The following PTPRM variants were observed in gnomAD, a reference collection of about 807,000 sequenced individuals.
PTPRM encodes the protein receptor-type tyrosine-protein phosphatase mu.
Under a neutral mutation model 186.7 loss-of-function variants are expected in PTPRM, and 47 were observed. The ratio of observed to expected loss-of-function variants is 0.25; its 90% CI spans 0.20 to 0.32. The LOEUF (loss-of-function observed/expected upper bound fraction) is 0.32, where lower values mean the gene tolerates loss of function less well. PTPRM is among the 10% of genes least tolerant of loss of function. The pLI, the probability that PTPRM is intolerant of heterozygous loss-of-function variation, is 1.00. For missense variants in PTPRM, 1,494 were observed against 1,865.0 expected (o/e 0.80, Z 3.66); for synonymous variants, 668 against 674.9 (o/e 0.99, Z 0.16).
chr18:8,232,863 G>A (rs1209266788), intron 14 of PTPRM, among the ~76,000 whole-genome samples: 1 of 152,190 alleles, frequency 6.6e-6, no homozygotes, highest in Non-Finnish European at 1.5e-5. Flanking sequence ...CAAGGGCCCT[G>A]AGCTGTACAC....
At chr18:7,683,596 C>T (rs1187239335) in intron 1 of PTPRM, among the ~76,000 whole-genome samples, 1 of 152,152 alleles carries the variant, frequency 6.6e-6, no homozygotes, top group African/African-American at 2.4e-5. Context: ...CCCAAAGTCA[C>T]TCTTTTCTGT....
At chr18:7,792,018 T>C (rs1190808687) in intron 2 of PTPRM, among the ~76,000 whole-genome samples, 1 of 152,216 alleles carries the variant, frequency 6.6e-6, no homozygotes, top group Non-Finnish European at 1.5e-5. Flanking sequence ...TATATGAGCA[T>C]ATATTGCTAC....
intron 19 of PTPRM, among the ~76,000 whole-genome samples, chr18:8,278,389 C>T (rs1022173910): frequency 6.6e-6 from 1 of 152,144 alleles, no homozygotes; most frequent in Admixed American, 6.6e-5. Flanking sequence ...CTTTAGTGTC[C>T]TTGTAGATCT....
chr18:8,164,109 T>C (rs923090487), intron 14 of PTPRM, among the ~76,000 whole-genome samples: 1 of 152,162 alleles, frequency 6.6e-6, no homozygotes, highest in African/African-American at 2.4e-5. Context: ...AGAAAAGAAA[T>C]CGAGTTTTAG....
chr18:8,387,304 TCTGA>T, intron 31 of PTPRM, 69 bp downstream of exon 31: 1 of 1,455,348 alleles, frequency 6.9e-7, no homozygotes. Context: ...CTCCTAGTTC[TCTGA>T]CTTTTGTTTC....
chr18:7,829,055 T>C (rs557997998), intron 2 of PTPRM, among the ~76,000 whole-genome samples: 7 of 152,182 alleles, frequency 4.6e-5, no homozygotes, highest in Non-Finnish European at 1.0e-4. Context: ...AATACCTAAT[T>C]GTATTTTGAA....
chr18:8,289,575 T>TGTATATATATAC (rs2095014677), intron 19 of PTPRM, among the ~76,000 whole-genome samples: 1 of 109,210 alleles, frequency 9.2e-6, no homozygotes, highest in Non-Finnish European at 1.7e-5. Flanking sequence ...TATATATATA[T>TGTATATATATAC]ACATATATAT....
intron 23 of PTPRM, 26 bp downstream of exon 23, chr18:8,343,546 G>A: frequency 6.2e-7 from 1 of 1,603,112 alleles, no homozygotes; most frequent in Non-Finnish European, 8.5e-7. Flanking sequence ...GCTGCAAATG[G>A]CCATTTTGTT....
At chr18:8,010,709 G>A (rs2084476612) in intron 7 of PTPRM, among the ~76,000 whole-genome samples, 1 of 152,156 alleles carries the variant, frequency 6.6e-6, no homozygotes, top group African/African-American at 2.4e-5. Flanking sequence ...AGGTCAGGGA[G>A]GGTAGGATCT....
chr18:8,056,487 T>G (rs1222823624), intron 7 of PTPRM, among the ~76,000 whole-genome samples: 1 of 152,138 alleles, frequency 6.6e-6, no homozygotes, highest in Non-Finnish European at 1.5e-5. Context: ...CCAGGCATTG[T>G]GGCAAACACC....
chr18:8,337,224 GACAGGTATGTTGC>G (rs1442196766), intron 22 of PTPRM, among the ~76,000 whole-genome samples: 1 of 152,036 alleles, frequency 6.6e-6, no homozygotes, highest in African/African-American at 2.4e-5. Context: ...AATTTTTTGA[GACAGGTATGTTGC>G]ACAGACTGGT....
At chr18:7,650,457 C>A (rs1340123234) in intron 1 of PTPRM, among the ~76,000 whole-genome samples, 4 of 129,184 alleles carry the variant, frequency 3.1e-5, no homozygotes, top group Admixed American at 7.9e-5. Context: ...CCCCCCCCCC[C>A]ACTGTAATTT....
chr18:7,708,165 A>C (rs779495885), intron 1 of PTPRM, among the ~76,000 whole-genome samples: 6 of 152,208 alleles, frequency 3.9e-5, no homozygotes, highest in Non-Finnish European at 8.8e-5. Flanking sequence ...GTTCAAGTAT[A>C]TATATTTTTG....
chr18:8,112,227 T>G (rs1201257482), intron 11 of PTPRM, among the ~76,000 whole-genome samples: 1 of 152,240 alleles, frequency 6.6e-6, no homozygotes, highest in Non-Finnish European at 1.5e-5. Flanking sequence ...AAACAATTGA[T>G]TTTTATTTAG....
chr18:8,050,003 G>A (rs1330056244), intron 7 of PTPRM, among the ~76,000 whole-genome samples: 1 of 152,054 alleles, frequency 6.6e-6, no homozygotes, highest in African/African-American at 2.4e-5. Flanking sequence ...GAGCCACCAC[G>A]CCCAGCCAAG....
chr18:8,231,972 CCTACTATGGGTT>C (rs1426214582), intron 14 of PTPRM, among the ~76,000 whole-genome samples: 4 of 152,118 alleles, frequency 2.6e-5, no homozygotes, highest in Admixed American at 6.5e-5. Flanking sequence ...TCATAATGCA[CCTACTATGGGTT>C]TGACAACTCT....
chr18:7,973,451 G>C (rs967046744), intron 7 of PTPRM, among the ~76,000 whole-genome samples: 4 of 152,056 alleles, frequency 2.6e-5, no homozygotes, highest in Non-Finnish European at 5.9e-5. Flanking sequence ...TAAATTATAT[G>C]TTCTTGTTTT....
intron 2 of PTPRM, among the ~76,000 whole-genome samples, chr18:7,849,656 T>G (rs896624704): frequency 6.6e-6 from 1 of 152,240 alleles, no homozygotes. Flanking sequence ...GTATACTTTT[T>G]GGAAATACTT....
intron 1 of PTPRM, among the ~76,000 whole-genome samples, chr18:7,660,544 A>G (rs1451779314): frequency 6.6e-6 from 1 of 152,140 alleles, no homozygotes; most frequent in African/African-American, 2.4e-5. Context: ...TCTTTTCCTC[A>G]GCCTCCGGGA....
Sources: gnomAD v4.1 joint callset for allele counts (sites outside exome capture counted in the v4.1 genomes callset) on GRCh38, gnomAD v4.1.1 for gene constraint, MANE v1.5 for transcripts, NCBI Gene and HGNC (gene_info 2026-07-23, HGNC 2026-07-21) for gene names.